CBX7: variants seen among roughly 807,000 people sequenced by gnomAD.
The protein encoded by CBX7 is chromobox protein homolog 7.
In CBX7, 14 loss-of-function variants were observed where a neutral mutation model predicts 31.4. The ratio of observed to expected loss-of-function variants is 0.45; its 90% CI spans 0.29 to 0.70. CBX7 has a LOEUF of 0.70. Ranked by LOEUF, CBX7 falls within the 30% of genes least tolerant of loss-of-function variation. The pLI is 0.11. For missense variants in CBX7, 269 were observed against 351.9 expected (o/e 0.76, Z 1.89); for synonymous variants, 159 against 152.6 (o/e 1.04, Z -0.31).
intron 3 of CBX7, among the ~76,000 whole-genome samples, chr22:39,139,596 G>A (rs192197706): frequency 0.014 from 2,044 of 150,358 alleles, 45 homozygotes; most frequent in African/African-American, 0.048. Context: ...CCAGCTACTC[G>A]GGAGGCTGAG....
At chr22:39,137,007 G>T (rs6001451) in intron 4 of CBX7, among the ~76,000 whole-genome samples, 3,557 of 152,282 alleles carry the variant, frequency 0.023, 147 homozygotes, top group African/African-American at 0.082. Flanking sequence ...AGTGGACCAA[G>T]AATCCTGACT....
At position 39,151,883 on chromosome 22, in the gene CBX7, T is replaced by TA. The variant is rs1555914729; in HGVS notation, c.69+492_69+493insT. Among the ~76,000 whole-genome samples, 90 of 133,416 alleles carry TA rather than the reference T, an allele frequency of 6.7e-4. 1 individual carries two copies. The highest frequency in any genetic ancestry group is 2.6e-3 in the African/African-American group (86 of 33,168). The allele number at this position is 133,416 out of a possible 152,430, so 87.5% of individuals were successfully genotyped here. ...GGCGGGGAATAGGGATGTGCTCGGG[T>TA]GGCGTAGAGGGGGCAGGATCGGAAA... On this transcript the variant is annotated intron_variant, in intron 1 of 5. Coordinates refer to ENST00000216133, the MANE Select transcript of CBX7 (RefSeq NM_175709.5).
At position 39,139,736 on chromosome 22, in the gene CBX7, G is replaced by GAA. The variant is rs61029102; in HGVS notation, c.180-1036_180-1035dup. On this transcript the variant is annotated intron_variant, in intron 3 of 5. Coordinates refer to ENST00000216133, the MANE Select transcript of CBX7 (RefSeq NM_175709.5). ...AAAAAAAAAAAGAAAGAAAGAAAAA[G>GAA]AAAAAAAAACAAACAAAAAACCCCA... is the stretch of plus-strand genomic sequence containing the variant. Among the ~76,000 whole-genome samples the GAA allele has an allele frequency of 4.0e-3, 479 of 119,164 alleles. 5 individuals carry two copies. The highest frequency in any genetic ancestry group is 0.014 in the African/African-American group (435 of 31,104). The allele number at this position is 119,164 out of a possible 152,430, so 78.2% of individuals were successfully genotyped here.
intron 1 of CBX7, among the ~76,000 whole-genome samples, chr22:39,150,897 C>T (rs1930826158): frequency 6.6e-6 from 1 of 152,202 alleles, no homozygotes; most frequent in South Asian, 2.1e-4. Flanking sequence ...ATGCTGTCTC[C>T]ACTGGCACCT....
At chr22:39,144,402 A>G (rs1385160365) in intron 2 of CBX7, among the ~76,000 whole-genome samples, 1 of 152,174 alleles carries the variant, frequency 6.6e-6, no homozygotes, top group African/African-American at 2.4e-5. Context: ...TGCCAGCAGG[A>G]CGAGCCTGCC....
At position 39,133,130 on chromosome 22, in the gene CBX7, G is replaced by C. The variant is rs1288216313; in HGVS notation, c.*761C>G. The C allele has an allele frequency of 5.3e-5, 8 of 152,242 alleles. No homozygotes were observed. The highest frequency in any genetic ancestry group is 1.2e-4 in the Non-Finnish European group (8 of 68,072). The allele number at this position is 152,242 out of a possible 1,614,324, so 9.4% of individuals were successfully genotyped here. A position where few individuals can be genotyped will look rare whatever the true frequency, so the allele number is the denominator to read the frequency against. ...ATCACCCCACGTTCGCCTGGCCAGGGTTTCTAACCCAGGTTCGCAAGGCCC... is the reference window on the plus strand; with the variant it reads ...ATCACCCCACGTTCGCCTGGCCAGGCTTTCTAACCCAGGTTCGCAAGGCCC... On this transcript the variant is annotated 3_prime_UTR_variant, in exon 6 of 6. Coordinates refer to ENST00000216133, the MANE Select transcript of CBX7 (RefSeq NM_175709.5).
In CBX7 at chr22:39,134,748, AG is replaced by A. The variant is rs1331395432; in HGVS notation, c.250del (p.Leu84CysfsTer22). The A allele has an allele frequency of 6.6e-7, 1 of 1,519,650 alleles. No individual in the cohort carries two copies. The allele number at this position is 1,519,650 out of a possible 1,614,324, so 94.1% of individuals were successfully genotyped here. On this transcript the variant is annotated frameshift_variant, in exon 5 of 6. Transcript: ENST00000216133. LOFTEE classifies it high-confidence loss of function. ...GGAGCTCCGCAGGTCCATGCTGTAC[AG>A]CCGCTGCGGGGGCAAGCCAGGGCAG... is the stretch of plus-strand genomic sequence containing the variant. ...PKPKRLLLQRLYSMDLRSSHK... is the reference protein window; with the variant it reads ...PKPKRLLLQRXYSMDLRSSHK...
rs141212971 is a variant in CBX7 at position 39,134,967 on chromosome 22, G to A, written c.247-215C>T. The A allele has an allele frequency of 9.5e-4, 511 of 538,830 alleles. 6 individuals are homozygous for A. In the East Asian group the frequency reaches 0.015, roughly 16 times the overall value. The allele number at this position is 538,830 out of a possible 1,614,324, so 33.4% of individuals were successfully genotyped here. A position where few individuals can be genotyped will look rare whatever the true frequency, so the allele number is the denominator to read the frequency against. On this transcript the variant is annotated intron_variant, in intron 4 of 5. Transcript: ENST00000216133. Reference sequence around the variant, plus strand: ...GGTCGGCCAGCTCAGCCCTGCCTCTGGGCCCCACAGAGCACTCGCGTCCCA... The same window carrying A: ...GGTCGGCCAGCTCAGCCCTGCCTCTAGGCCCCACAGAGCACTCGCGTCCCA...
rs1020162643 is a variant in CBX7 at position 39,131,986 on chromosome 22, G to C, written c.*1905C>G. The C allele has an allele frequency of 6.6e-6, 1 of 152,316 alleles. No homozygotes were observed. Among genetic ancestry groups the C allele is most frequent in the African/African-American group, 2.4e-5 (1 of 41,420 alleles). The allele number at this position is 152,316 out of a possible 1,614,324, so 9.4% of individuals were successfully genotyped here. The stretch of plus-strand genomic sequence containing the variant: ...CCACAGGGCTCCACAGCTGGAGATG[G>C]GTGGTGATTCCTGCCGCTCCTTGTC... On this transcript the variant is annotated 3_prime_UTR_variant, in exon 6 of 6. Coordinates refer to ENST00000216133, the MANE Select transcript of CBX7 (RefSeq NM_175709.5).
intron 1 of CBX7, among the ~76,000 whole-genome samples, chr22:39,150,689 G>A (rs1276533349): frequency 6.6e-6 from 1 of 152,140 alleles, no homozygotes; most frequent in East Asian, 1.9e-4. Flanking sequence ...AGGATCGTTT[G>A]AGCCGGGGAG....
chr22:39,138,558 G>A, intron 4 of CBX7, 78 bp downstream of exon 4: 2 of 1,336,436 alleles, frequency 1.5e-6, no homozygotes, highest in East Asian at 2.3e-5. Context: ...CAATCAGCCA[G>A]TGCAAATGCA....
chr22:39,141,515 G>A (rs577403369), intron 2 of CBX7, 79 bp from the exon 3 acceptor site: 55 of 1,231,098 alleles, frequency 4.5e-5, no homozygotes, highest in Admixed American at 3.0e-4. Flanking sequence ...TTGGGAGGCC[G>A]AGGCGGGCAA....
At chr22:39,151,850 G>A (rs1930867230) in intron 1 of CBX7, among the ~76,000 whole-genome samples, 1 of 150,412 alleles carries the variant, frequency 6.6e-6, no homozygotes, top group Non-Finnish European at 1.5e-5. Flanking sequence ...AGTTGAGGTG[G>A]GGGTGGGGGC....
rs1389999317 is a variant in CBX7 at position 39,134,661 on chromosome 22, C to A, written c.338G>T (p.Ser113Ile). 1 of 1,587,510 alleles carries A rather than the reference C, an allele frequency of 6.3e-7. No individual in the cohort carries two copies. Among genetic ancestry groups the A allele is most frequent in the Non-Finnish European group, 8.6e-7 (1 of 1,166,638 alleles). Residue 113 changes from serine (S) to isoleucine (I), a missense_variant, in exon 5 of 6, where the codon AGC (serine) becomes ATC (isoleucine). By Grantham distance (142) the Ser-to-Ile change is moderately radical. This residue lies in a region of CBX7 where 222 missense variants were observed against 240.4 expected (regional missense o/e 0.92). Transcript: ENST00000216133. ...CCCCGCCTTGACCACCCCCTCAGGGCTCCCGCTGCCGAGTGGGCACGTCAG... is the reference window on the plus strand; with the variant it reads ...CCCCGCCTTGACCACCCCCTCAGGGATCCCGCTGCCGAGTGGGCACGTCAG... ...FSLTCPLGSG[S>I]PEGVVKAGAP...
At chr22:39,146,954 G>A (rs552574932) in intron 2 of CBX7, among the ~76,000 whole-genome samples, 5 of 152,032 alleles carry the variant, frequency 3.3e-5, no homozygotes, top group Non-Finnish European at 5.9e-5. Context: ...CCCGGGCCCC[G>A]AGCCCCTCCC....
intron 2 of CBX7, chr22:39,148,217 G>T (rs1930728832): frequency 6.6e-6 from 1 of 152,286 alleles, no homozygotes; most frequent in African/African-American, 2.4e-5. Context: ...TAGGGGCACA[G>T]CGCAACAGAA....
At chr22:39,142,741 T>G (rs187528341) in intron 2 of CBX7, among the ~76,000 whole-genome samples, 6 of 152,328 alleles carry the variant, frequency 3.9e-5, no homozygotes, top group East Asian at 1.9e-4. Context: ...ACATAAAAAC[T>G]TTTCCATTAA....
chr22:39,146,931 T>C (rs1033710573), intron 2 of CBX7, among the ~76,000 whole-genome samples: 1 of 152,054 alleles, frequency 6.6e-6, no homozygotes, highest in Non-Finnish European at 1.5e-5. Flanking sequence ...CCTGATAATG[T>C]CACATTCCCT....
intron 4 of CBX7, chr22:39,136,031 A>C (rs1930240121): frequency 6.7e-6 from 1 of 150,152 alleles, no homozygotes; most frequent in African/African-American, 2.5e-5. Flanking sequence ...CAGAGCTTGC[A>C]GTGAGCAGAG....
Sources: gnomAD v4.1 joint callset for allele counts (sites outside exome capture counted in the v4.1 genomes callset) on GRCh38, gnomAD v4.1.1 for gene constraint, gnomAD v4.1.1 regional missense constraint, MANE v1.5 for transcripts, NCBI Gene and HGNC (gene_info 2026-07-23, HGNC 2026-07-21) for gene names.